FOXO3B: variants seen among roughly 807,000 people sequenced by gnomAD.
The protein encoded by FOXO3B is forkhead box O3B, also known as forkhead box protein O3B.
In FOXO3B, 15 loss-of-function variants were observed where a neutral mutation model predicts 21.9. That is an observed-to-expected ratio of 0.68 (90% CI 0.46 to 1.05). The LOEUF (loss-of-function observed/expected upper bound fraction) is 1.05, where lower values mean the gene tolerates loss of function less well. Ranked by LOEUF, FOXO3B falls within the 50% of genes least tolerant of loss-of-function variation. The pLI is 0.00. For missense variants in FOXO3B, 293 were observed against 435.5 expected, an observed-to-expected ratio of 0.67 and a Z score of 2.91; for synonymous variants, 135 against 213.6, an observed-to-expected ratio of 0.63 and a Z score of 3.21.
chr17:18,668,967 T>C lies in FOXO3B; in HGVS notation c.*3342A>G, dbSNP rs1597493769. ...ATTATACATACTTTAAAAATGAAGATTATAAACATGTAGCAGTTTAGAAAA... is the reference window on the plus strand; with the variant it reads ...ATTATACATACTTTAAAAATGAAGACTATAAACATGTAGCAGTTTAGAAAA... On this transcript the variant is annotated 3_prime_UTR_variant, in exon 4 of 4. Transcript: ENST00000395675. The C allele has an allele frequency of 6.6e-6, 1 of 152,300 alleles. No individual in the cohort carries two copies. The highest frequency in any genetic ancestry group is 6.5e-5 in the Admixed American group (1 of 15,270). 9.4% of individuals were successfully genotyped at this position (152,300 alleles called of 1,614,324 possible). A position where few individuals can be genotyped will look rare whatever the true frequency, so the allele number is the denominator to read the frequency against.
intron 3 of FOXO3B, among the ~76,000 whole-genome samples, chr17:18,674,647 G>T (rs1012883722): frequency 6.9e-6 from 1 of 145,928 alleles, no homozygotes; most frequent in Admixed American, 6.7e-5. Context: ...AAAGGGGGGG[G>T]GGAGATTACA....
intron 3 of FOXO3B, among the ~76,000 whole-genome samples, chr17:18,679,116 A>G (rs2032541678): frequency 6.6e-6 from 1 of 151,936 alleles, no homozygotes; most frequent in East Asian, 1.9e-4. Flanking sequence ...ATTAGGTTTT[A>G]ACATTCTTGT....
chr17:18,671,338 T>G lies in FOXO3B; in HGVS notation c.*971A>C. ...TGCTGGTGGTGGAGCAAGTTCTGATTGACCACACTTCCCTGGTTAGGCTGG... is the reference window on the plus strand; with the variant it reads ...TGCTGGTGGTGGAGCAAGTTCTGATGGACCACACTTCCCTGGTTAGGCTGG... On this transcript the variant is annotated 3_prime_UTR_variant, in exon 4 of 4. Transcript: ENST00000395675. 6.2e-7 allele frequency: 1 copy of G among 1,613,610 alleles called. No individual in the cohort carries two copies. The highest frequency in any genetic ancestry group is 2.2e-5 in the East Asian group (1 of 44,820).
At chr17:18,679,452 C>CTTCT (rs1205551688) in intron 3 of FOXO3B, among the ~76,000 whole-genome samples, 7,924 of 125,702 alleles carry the variant, frequency 0.063, 516 homozygotes, top group African/African-American at 0.12. Context: ...TCCTCCTCAA[C>CTTCT]TTTTTTTTTT....
chr17:18,672,533 G>C lies in FOXO3B; in HGVS notation c.649C>G (p.Pro217Ala), dbSNP rs1477388029. 9.4e-6 allele frequency: 14 copies of C among 1,490,814 alleles called. No homozygotes were observed. In the East Asian group the frequency reaches 2.5e-4, roughly 26 times the overall value. 92.3% of individuals were successfully genotyped at this position (1,490,814 alleles called of 1,614,324 possible). The change falls in exon 4 of 4, where the codon CCG becomes GCG. Residue 217 changes from proline (P) to alanine (A), a missense_variant. By Grantham distance (27) the Pro-to-Ala change is conservative. Transcript: ENST00000395675. The surrounding 1 kb of genome is among the most constrained non-coding windows in gnomAD (Gnocchi z 4.2). ...GTQALLQPQQ[P>A]LPPPQPGAAG... ...GCCCCCGGCTGCGGCGGTGGCAGCG[G>C]TTGCTGAGGCTGCAGCAGCGCCTGT...
chr17:18,671,723 T>G lies in FOXO3B; in HGVS notation c.*586A>C. ...GCTGCATGAGTCCCCCAGTGGGCGA[T>G]GGCTGGGATGGCGGGAGCGTGATGT... is the stretch of plus-strand genomic sequence containing the variant. On this transcript the variant is annotated 3_prime_UTR_variant, in exon 4 of 4. Coordinates refer to ENST00000395675, the MANE Select transcript of FOXO3B (RefSeq NM_001368135.1). 1 of 1,613,820 alleles carries G rather than the reference T, an allele frequency of 6.2e-7. No individual in the cohort carries two copies. Among genetic ancestry groups the G allele is most frequent in the East Asian group, 2.2e-5 (1 of 44,866 alleles).
At position 18,668,551 on chromosome 17, in the gene FOXO3B, C is replaced by T. The variant is rs1469660977; in HGVS notation, c.*3758G>A. The T allele has an allele frequency of 1.3e-5, 2 of 152,616 alleles. No individual in the cohort carries two copies. The highest frequency in any genetic ancestry group is 2.9e-5 in the Non-Finnish European group (2 of 68,042). 9.5% of individuals were successfully genotyped at this position (152,616 alleles called of 1,614,324 possible). On this transcript the variant is annotated 3_prime_UTR_variant, in exon 4 of 4. Transcript: ENST00000395675. ...ACACATTGGAGGGTTGCCTTTCTCA[C>T]TCCCAAAGCAGCTCCCTGGGTCTGT...
At position 18,669,810 on chromosome 17, in the gene FOXO3B, G is replaced by C. The variant is rs1194147934; in HGVS notation, c.*2499C>G. Among the ~76,000 whole-genome samples the C allele has an allele frequency of 1.3e-5, 2 of 152,154 alleles. No homozygotes were observed. Among genetic ancestry groups the C allele is most frequent in the Non-Finnish European group, 2.9e-5 (2 of 68,034 alleles). ...AAAATAATCAAGGATGTGTATTTAG[G>C]AAAACAGTGAAGTTGGAACTGCCTC... On this transcript the variant is annotated 3_prime_UTR_variant, in exon 4 of 4. Coordinates refer to ENST00000395675, the MANE Select transcript of FOXO3B (RefSeq NM_001368135.1).
At chr17:18,677,442 T>G in intron 3 of FOXO3B, 6 of 1,614,132 alleles carry the variant, frequency 3.7e-6, no homozygotes, top group Non-Finnish European at 5.1e-6. Context: ...GACCATCAAG[T>G]GCCTGCTGAT....
Position 18,674,642 on chromosome 17 carries a change from G to GT in FOXO3B, c.127-1588_127-1587insA, listed in dbSNP as rs373185153. On this transcript the variant is annotated intron_variant, in intron 3 of 3. Coordinates refer to ENST00000395675, the MANE Select transcript of FOXO3B (RefSeq NM_001368135.1). Reference sequence around the variant, plus strand: ...CTCCATCTCAAAAAAAAAAAAAAGGGGGGGGGGAGATTACAGACAAATGCA... The same window carrying GT: ...CTCCATCTCAAAAAAAAAAAAAAGGGTGGGGGGGAGATTACAGACAAATGCA... Among the ~76,000 whole-genome samples, 401 of 146,326 alleles carry GT rather than the reference G, an allele frequency of 2.7e-3. 10 individuals carry two copies. Among genetic ancestry groups the GT allele is most frequent in the African/African-American group, 9.3e-3 (366 of 39,160 alleles).
rs1044675768 is a variant in FOXO3B, at chr17:18,671,575, T to C, written c.*734A>G. The C allele has an allele frequency of 2.5e-6, 4 of 1,612,808 alleles. No homozygotes were observed. The highest frequency in any genetic ancestry group is 2.7e-5 in the African/African-American group (2 of 74,772). On this transcript the variant is annotated 3_prime_UTR_variant, in exon 4 of 4. Coordinates refer to ENST00000395675, the MANE Select transcript of FOXO3B (RefSeq NM_001368135.1). ...AAGGTAGCTGGCTTGTTCTCTTGGA[T>C]GGTCTGCATGGGAGACTGGCGTAGG...
chr17:18,675,660 A>G (rs2032469648), intron 3 of FOXO3B, among the ~76,000 whole-genome samples: 4 of 152,220 alleles, frequency 2.6e-5, no homozygotes, highest in Admixed American at 2.6e-4. Flanking sequence ...CAGAGAGACA[A>G]GAAACAGAAC....
In FOXO3B at chr17:18,677,359, C is replaced by T. The variant is rs151319939; in HGVS notation, c.126+3382G>A. The T allele has an allele frequency of 2.3e-3, 3,763 of 1,613,156 alleles. 34 individuals are homozygous for T. The highest frequency in any genetic ancestry group is 0.01 in the South Asian group (937 of 91,002). ...AAGATCTTCCACCCGAACTTGGGCG[C>T]CAATGGCGAGATGTGCGTCAACGTG... On this transcript the variant is annotated intron_variant, in intron 3 of 3. Transcript: ENST00000395675.
chr17:18,670,985 G>A lies in FOXO3B; in HGVS notation c.*1324C>T. 7.6e-7 allele frequency: 1 copy of A among 1,322,242 alleles called. No homozygotes were observed. Among genetic ancestry groups the A allele is most frequent in the Non-Finnish European group, 1.1e-6 (1 of 938,292 alleles). 81.9% of individuals were successfully genotyped at this position (1,322,242 alleles called of 1,614,324 possible). On this transcript the variant is annotated 3_prime_UTR_variant, in exon 4 of 4. Coordinates refer to ENST00000395675, the MANE Select transcript of FOXO3B (RefSeq NM_001368135.1). Reference sequence around the variant, plus strand: ...CGTTCAAACCAACAACATTCTGTGTGGAGATGAGGGAATCAAAGTTAAAAT... The same window carrying A: ...CGTTCAAACCAACAACATTCTGTGTAGAGATGAGGGAATCAAAGTTAAAAT...
rs748269737 is a variant in FOXO3B at position 18,670,157 on chromosome 17, T to C, written c.*2152A>G. ...CTGGGGTCCCGTCCACAGATCACCC[T>C]GACTCAGAACTGGAAACACACTGGG... On this transcript the variant is annotated 3_prime_UTR_variant, in exon 4 of 4. Transcript: ENST00000395675. Among the ~76,000 whole-genome samples, 9 of 152,200 alleles carry C rather than the reference T, an allele frequency of 5.9e-5. No individual in the cohort carries two copies. The highest frequency in any genetic ancestry group is 1.3e-4 in the Non-Finnish European group (9 of 68,032).
chr17:18,672,639 G>A lies in FOXO3B; in HGVS notation c.543C>T (p.Asp181=). The A allele has an allele frequency of 6.8e-7, 1 of 1,471,324 alleles. No homozygotes were observed. 91.1% of individuals were successfully genotyped at this position (1,471,324 alleles called of 1,614,324 possible). The part of the protein sequence containing the change: ...RTLVSGLLLE[D]SVRVLAPGGQ... ...CTCCGGGTGCCAGCACCCGGACCGA[G>A]TCCTCAAGGAGCAGCCCGGAGACCA... The change falls in exon 4 of 4, where the codon GAC becomes GAT. Residue 181 remains aspartate (D), a synonymous_variant. Transcript: ENST00000395675. This position sits in a 1 kb window ranked among gnomAD's most constrained non-coding sequence, Gnocchi z 4.2.
intron 3 of FOXO3B, among the ~76,000 whole-genome samples, chr17:18,679,550 T>C (rs1024297007): frequency 4.0e-5 from 6 of 151,636 alleles, no homozygotes; most frequent in African/African-American, 7.3e-5. Flanking sequence ...TGGGTTCAAG[T>C]GATTCTCATG....
At position 18,671,408 on chromosome 17, in the gene FOXO3B, G is replaced by T. The variant is rs912648882; in HGVS notation, c.*901C>A. On this transcript the variant is annotated 3_prime_UTR_variant, in exon 4 of 4. Transcript: ENST00000395675. ...GATCATTGCGAAGCATCACGTTCCG[G>T]CGGGAATTCTGGGCAGACACAGCGG... 20 of 1,604,014 alleles carry T rather than the reference G, an allele frequency of 1.2e-5. No individual in the cohort carries two copies. Among genetic ancestry groups the T allele is most frequent in the Non-Finnish European group, 1.7e-5 (20 of 1,171,750 alleles).
intron 3 of FOXO3B, chr17:18,677,494 G>C (rs994329546): frequency 6.8e-6 from 11 of 1,613,906 alleles, no homozygotes; most frequent in Non-Finnish European, 9.3e-6. Flanking sequence ...GAGGCGGGCC[G>C]CCTGCTCTTG....
Sources: allele counts gnomAD v4.1 joint callset (sites outside exome capture counted in the v4.1 genomes callset), GRCh38; gene constraint gnomAD v4.1.1; non-coding constraint Gnocchi (gnomAD v3.1); transcripts MANE v1.5; gene names NCBI Gene and HGNC (gene_info 2026-07-23, HGNC 2026-07-21).